Variants in SP2 observed in about 807,000 individuals in gnomAD.
The protein encoded by SP2 is Sp2 transcription factor, also known as transcription factor Sp2.
In SP2, 9 loss-of-function variants were observed where a neutral mutation model predicts 50.1. That is an observed-to-expected ratio of 0.18 (90% CI 0.11 to 0.31). SP2 has a LOEUF of 0.31. Ranked by LOEUF, SP2 falls within the 10% of genes least tolerant of loss-of-function variation. The pLI, the probability that SP2 is intolerant of heterozygous loss-of-function variation, is 1.00. For missense variants in SP2, 581 were observed against 806.5 expected, an observed-to-expected ratio of 0.72 and a Z score of 3.39; for synonymous variants, 313 against 326.6, an observed-to-expected ratio of 0.96 and a Z score of 0.45.
At chr17:47,897,811 G>A (rs1336739328) in intron 1 of SP2, 1 of 977,708 alleles carries the variant, frequency 1.0e-6, no homozygotes, top group East Asian at 1.1e-4. Context: ...TGTGTGCGAT[G>A]AAGGGGGCGA....
At position 47,917,229 on chromosome 17, in the gene SP2, C is replaced by T. The variant is rs981671160; in HGVS notation, c.1059+99C>T. On this transcript the variant is annotated intron_variant, in intron 3 of 6. Transcript: ENST00000376741. ...TGGTCATCTCCCAGCTTGATCTGAC[C>T]TTGAGAGTCAGTATCTTTTGGGGTG... 3 of 1,273,206 alleles carry T rather than the reference C, an allele frequency of 2.4e-6. No individual in the cohort carries two copies. The African/African-American group carries it at 4.5e-5, about 19-fold the overall frequency. The allele number at this position is 1,273,206 out of a possible 1,614,324, so 78.9% of individuals were successfully genotyped here.
At chr17:47,901,300 A>G (rs2143775258) in intron 1 of SP2, among the ~76,000 whole-genome samples, 2 of 152,138 alleles carry the variant, frequency 1.3e-5, no homozygotes, top group Middle Eastern at 3.4e-3. Flanking sequence ...GGCACGTGCC[A>G]CCACACCCAG....
In SP2 at chr17:47,916,641, C is replaced by T; in HGVS notation, c.570C>T (p.Thr190=). The change falls in exon 3 of 7, where the codon ACC becomes ACT. Residue 190 remains threonine (T), a synonymous_variant. Coordinates refer to ENST00000376741, the MANE Select transcript of SP2 (RefSeq NM_003110.6). This position sits in a 1 kb window ranked among gnomAD's most constrained non-coding sequence, Gnocchi z 4.7. ...CCCCCATCCAGAAGTCGAGTACGAC[C>T]ACCACCCCCGTGCAGAGCGGGGCCA... ...KPAPIQKSST[T]TTPVQSGANV... 6.2e-7 allele frequency: 1 copy of T among 1,613,954 alleles called. No individual in the cohort carries two copies. Among genetic ancestry groups the T allele is most frequent in the Non-Finnish European group, 8.5e-7 (1 of 1,179,888 alleles).
chr17:47,914,439 A>G (rs1181661421), intron 1 of SP2, among the ~76,000 whole-genome samples: 2 of 151,866 alleles, frequency 1.3e-5, no homozygotes, highest in Non-Finnish European at 2.9e-5. Context: ...CTTTGTGGTG[A>G]AGGCTGAGCA....
chr17:47,916,698 T>C lies in SP2; in HGVS notation c.627T>C (p.Asn209=), dbSNP rs2035218241. ...NVVKLTGGGG[N]VTLTLPVNNL... is the part of the protein sequence containing the mutation. Reference sequence around the variant, plus strand: ...TGAAGCTGACAGGTGGGGGCGGCAATGTGACGCTCACTCTGCCCGTCAACA... The same window carrying C: ...TGAAGCTGACAGGTGGGGGCGGCAACGTGACGCTCACTCTGCCCGTCAACA... The change falls in exon 3 of 7, where the codon AAT becomes AAC. Residue 209 remains asparagine, a synonymous_variant. Transcript: ENST00000376741. The surrounding 1 kb of genome is among the most constrained non-coding windows in gnomAD (Gnocchi z 4.7). 1 of 1,613,416 alleles carries C rather than the reference T, an allele frequency of 6.2e-7. No individual in the cohort carries two copies. Among genetic ancestry groups the C allele is most frequent in the Admixed American group, 1.7e-5 (1 of 60,000 alleles).
chr17:47,920,814 C>CATACTATGAAA (rs2035426268), intron 3 of SP2, among the ~76,000 whole-genome samples: 1 of 152,128 alleles, frequency 6.6e-6, no homozygotes, highest in South Asian at 2.1e-4. Context: ...TGAAACTTAC[C>CATACTATGAAA]CTTTTAAAGT....
intron 1 of SP2, among the ~76,000 whole-genome samples, chr17:47,905,552 G>A (rs180871913): frequency 4.6e-5 from 7 of 152,308 alleles, no homozygotes; most frequent in East Asian, 1.9e-4. Context: ...TTCTGTAGGC[G>A]CGTTTTCTCA....
At chr17:47,925,255 C>T in intron 5 of SP2, 93 bp from the exon 6 acceptor site, 1 of 1,422,832 alleles carries the variant, frequency 7.0e-7, no homozygotes, top group East Asian at 2.3e-5. Flanking sequence ...GACCTGACCC[C>T]ACATCCTCAC....
At chr17:47,917,870 CTT>C (rs2035277962) in intron 3 of SP2, 2 of 334,022 alleles carry the variant, frequency 6.0e-6, no homozygotes, top group South Asian at 4.3e-5. Context: ...TCTGGAATCT[CTT>C]TGGCTCTGTG....
intron 1 of SP2, among the ~76,000 whole-genome samples, chr17:47,913,162 A>G (rs1014104838): frequency 6.6e-6 from 1 of 151,464 alleles, no homozygotes; most frequent in Non-Finnish European, 1.5e-5. Flanking sequence ...CACCCAGCCC[A>G]ATATCTATCC....
At chr17:47,923,495 A>G (rs1212718140) in intron 4 of SP2, among the ~76,000 whole-genome samples, 1 of 152,264 alleles carries the variant, frequency 6.6e-6, no homozygotes, top group Non-Finnish European at 1.5e-5. Flanking sequence ...CAGAGAAGAT[A>G]GATGTACTCG....
chr17:47,922,040 G>A (rs2035479205), intron 3 of SP2, among the ~76,000 whole-genome samples: 1 of 152,068 alleles, frequency 6.6e-6, no homozygotes, highest in Non-Finnish European at 1.5e-5. Flanking sequence ...TTCCACCAAT[G>A]TCTCTAATTC....
At position 47,916,473 on chromosome 17, in the gene SP2, G is replaced by C. The variant is rs1405695202; in HGVS notation, c.402G>C (p.Ala134=). ...CAAATGCCAATATCCAGTACCAGGC[G>C]GTCCCTCAGATTCAGGCAAGCAATT... is the stretch of plus-strand genomic sequence containing the variant. ...TRSNANIQYQ[A]VPQIQASNSQ... is the part of the protein sequence containing the mutation. Residue 134 remains alanine (A), a synonymous_variant, in exon 3 of 7, where the codon GCG becomes GCC. Coordinates refer to ENST00000376741, the MANE Select transcript of SP2 (RefSeq NM_003110.6). This position sits in a 1 kb window ranked among gnomAD's most constrained non-coding sequence, Gnocchi z 4.7. The C allele has an allele frequency of 1.2e-6, 2 of 1,613,960 alleles. No homozygotes were observed. Among genetic ancestry groups the C allele is most frequent in the Non-Finnish European group, 1.7e-6 (2 of 1,179,988 alleles).
chr17:47,907,581 C>T (rs1034541773), intron 1 of SP2, among the ~76,000 whole-genome samples: 1 of 152,180 alleles, frequency 6.6e-6, no homozygotes, highest in Non-Finnish European at 1.5e-5. Context: ...ACTTTGAAAG[C>T]AATGCAGCTT....
chr17:47,925,604 C>A, intron 6 of SP2, 63 bp downstream of exon 6: 1 of 1,325,856 alleles, frequency 7.5e-7, no homozygotes, highest in Non-Finnish European at 1.1e-6. Context: ...CTCCTCCCAC[C>A]CCCACTCTAC....
chr17:47,905,462 A>T (rs1567689761), intron 1 of SP2, among the ~76,000 whole-genome samples: 1 of 152,174 alleles, frequency 6.6e-6, no homozygotes, highest in Non-Finnish European at 1.5e-5. Flanking sequence ...AAGCCGAGTT[A>T]CCCCCAAGGC....
Position 47,916,668 on chromosome 17 carries a change from T to A in SP2, c.597T>A (p.Asn199Lys), listed in dbSNP as rs1201698585. 6.2e-7 allele frequency: 1 copy of A among 1,613,726 alleles called. No individual in the cohort carries two copies. Among genetic ancestry groups the A allele is most frequent in the South Asian group, 1.1e-5 (1 of 91,072 alleles). ...CCACCCCCGTGCAGAGCGGGGCCAATGTGGTGAAGCTGACAGGTGGGGGCG... is the reference window on the plus strand; with the variant it reads ...CCACCCCCGTGCAGAGCGGGGCCAAAGTGGTGAAGCTGACAGGTGGGGGCG... The part of the protein sequence containing the change: ...TTTTPVQSGA[N>K]VVKLTGGGGN... Residue 199 changes from asparagine (N) to lysine (K), a missense_variant, in exon 3 of 7, where the codon AAT becomes AAA. Transcript: ENST00000376741. This position sits in a 1 kb window ranked among gnomAD's most constrained non-coding sequence, Gnocchi z 4.7.
At position 47,916,686 on chromosome 17, in the gene SP2, T is replaced by C. The variant is rs780632387; in HGVS notation, c.615T>C (p.Gly205=). 1.9e-6 allele frequency: 3 copies of C among 1,613,206 alleles called. No homozygotes were observed. In the Admixed American group the frequency reaches 5.0e-5, roughly 27 times the overall value. ...GGGCCAATGTGGTGAAGCTGACAGG[T>C]GGGGGCGGCAATGTGACGCTCACTC... ...QSGANVVKLT[G]GGGNVTLTLP... The change falls in exon 3 of 7, where the codon GGT becomes GGC. Residue 205 remains glycine, a synonymous_variant. Coordinates refer to ENST00000376741, the MANE Select transcript of SP2 (RefSeq NM_003110.6). This position sits in a 1 kb window ranked among gnomAD's most constrained non-coding sequence, Gnocchi z 4.7.
chr17:47,921,582 C>A (rs557523739), intron 3 of SP2, among the ~76,000 whole-genome samples: 73 of 152,344 alleles, frequency 4.8e-4, no homozygotes, highest in African/African-American at 1.7e-3. Context: ...GGGTTATAAT[C>A]TGTTAAGATT....
Sources: gnomAD v4.1 joint callset for allele counts (sites outside exome capture counted in the v4.1 genomes callset) on GRCh38, gnomAD v4.1.1 for gene constraint, Gnocchi (gnomAD v3.1) non-coding constraint, MANE v1.5 for transcripts, NCBI Gene and HGNC (gene_info 2026-07-23, HGNC 2026-07-21) for gene names.